SCUBE2: variants seen among roughly 807,000 people sequenced by gnomAD.
The protein encoded by SCUBE2 is signal peptide, CUB domain and EGF like domain containing 2.
SCUBE2 carries 114 observed loss-of-function variants against 125.9 expected under a neutral mutation model. That is an observed-to-expected ratio of 0.91 (90% confidence interval 0.78 to 1.06). The LOEUF (loss-of-function observed/expected upper bound fraction) is 1.06, where lower values mean the gene tolerates loss of function less well. Among genes scored for constraint, SCUBE2 ranks in the 50% least tolerant of loss-of-function variants. The probability of loss-of-function intolerance (pLI) is 0.00; values close to 1 mark genes in which losing one functional copy is unlikely to be tolerated. For missense variants in SCUBE2, 1,255 were observed against 1,301.8 expected (o/e 0.96, Z 0.55); for synonymous variants, 459 against 492.9 (o/e 0.93, Z 0.91).
intron 14 of SCUBE2, among the ~76,000 whole-genome samples, chr11:9,048,472 G>A (rs1338181652): frequency 1.3e-5 from 2 of 152,218 alleles, no homozygotes; most frequent in African/African-American, 2.4e-5. Context: ...TGGATGTGCC[G>A]AGCAGGGGCT....
intron 1 of SCUBE2, chr11:9,090,462 T>C (rs994803318): frequency 5.1e-5 from 7 of 136,132 alleles, no homozygotes; most frequent in Non-Finnish European, 1.1e-4. Flanking sequence ...TAAAACATTA[T>C]GAGATTTTTT....
In SCUBE2 at chr11:9,027,438, A is replaced by T; in HGVS notation, c.2627T>A (p.Ile876Asn). 1 of 1,614,076 alleles carries T rather than the reference A, an allele frequency of 6.2e-7. No individual in the cohort carries two copies. The highest frequency in any genetic ancestry group is 8.5e-7 in the Non-Finnish European group (1 of 1,180,002). The change falls in exon 20 of 23, where the codon ATC (isoleucine) becomes AAC (asparagine). Residue 876 changes from isoleucine to asparagine, a missense_variant. Coordinates refer to ENST00000649792, the MANE Select transcript of SCUBE2 (RefSeq NM_001367977.2). ...WTINPPPKRRILIVVPEIFLP... is the reference protein window; with the variant it reads ...WTINPPPKRRNLIVVPEIFLP... ...GAAGATCTCAGGGACCACGATCAGG[A>T]TGCGGCGCTTGGGGGGTGGGTTGAT...
chr11:9,081,314 T>C (rs187880454), intron 2 of SCUBE2, among the ~76,000 whole-genome samples: 15 of 152,334 alleles, frequency 9.8e-5, no homozygotes, highest in African/African-American at 3.6e-4. Flanking sequence ...ACTGAAACTC[T>C]GTGCCCATTT....
chr11:9,027,764 T>C (rs1397024748), intron 19 of SCUBE2, among the ~76,000 whole-genome samples: 4 of 152,180 alleles, frequency 2.6e-5, no homozygotes, highest in Admixed American at 1.3e-4. Flanking sequence ...TCTACCCCTC[T>C]GAGTTCCTGA....
At chr11:9,062,028 T>C (rs973161593) in intron 7 of SCUBE2, among the ~76,000 whole-genome samples, 1 of 152,152 alleles carries the variant, frequency 6.6e-6, no homozygotes, top group African/African-American at 2.4e-5. Flanking sequence ...TGACTACCCT[T>C]CTCCTATTCT....
At chr11:9,038,354 A>G (rs1022213301) in intron 16 of SCUBE2, among the ~76,000 whole-genome samples, 2 of 152,208 alleles carry the variant, frequency 1.3e-5, no homozygotes, top group Non-Finnish European at 2.9e-5. Flanking sequence ...AAATGTGGGA[A>G]ACAGGCTGGG....
At chr11:9,030,439 G>A (rs1413485101) in intron 18 of SCUBE2, 3 of 415,828 alleles carry the variant, frequency 7.2e-6, no homozygotes, top group Non-Finnish European at 1.3e-5. Context: ...AGGGGTATTG[G>A]GGGGAAGCTC....
At chr11:9,041,609 G>A (rs1003786943) in intron 16 of SCUBE2, among the ~76,000 whole-genome samples, 3 of 152,194 alleles carry the variant, frequency 2.0e-5, no homozygotes, top group Non-Finnish European at 2.9e-5. Context: ...AACTGGATTC[G>A]GCATCACAGA....
chr11:9,035,216 C>T (rs547787947), intron 16 of SCUBE2, among the ~76,000 whole-genome samples: 1 of 152,248 alleles, frequency 6.6e-6, no homozygotes, highest in African/African-American at 2.4e-5. Context: ...GTACTTATAC[C>T]AGACACCATG....
At chr11:9,065,008 A>G (rs1020774842) in intron 7 of SCUBE2, 2 of 151,986 alleles carry the variant, frequency 1.3e-5, no homozygotes, top group Non-Finnish European at 2.9e-5. Flanking sequence ...CTCTTCTACT[A>G]TTATCATCAG....
intron 8 of SCUBE2, chr11:9,059,636 G>C (rs1373072623): frequency 1.7e-6 from 1 of 597,634 alleles, no homozygotes; most frequent in Non-Finnish European, 2.8e-6. Flanking sequence ...TCATCGTCTT[G>C]AGAACGCTGA....
chr11:9,074,562 C>G lies in SCUBE2; in HGVS notation c.436G>C (p.Val146Leu), dbSNP rs72549242. Residue 146 changes from valine to leucine, a missense_variant, in exon 4 of 23, where the codon GTC becomes CTC. Physicochemically the swap from Val to Leu is conservative, Grantham distance 32. Around this residue, in one of 3 missense-constraint regions of SCUBE2, gnomAD observed 362 missense variants for 323.0 expected, o/e 1.12. Coordinates refer to ENST00000649792, the MANE Select transcript of SCUBE2 (RefSeq NM_001367977.2). Reference protein sequence around the residue: ...NGGCQHTCVNVMGSYECCCKE... With the variant: ...NGGCQHTCVNLMGSYECCCKE... Reference sequence around the variant, plus strand: ...CAGCAGCACTCATAGCTCCCCATGACGTTGACACAGGTATGCTGGCAGCCG... The same window carrying G: ...CAGCAGCACTCATAGCTCCCCATGAGGTTGACACAGGTATGCTGGCAGCCG... The G allele has an allele frequency of 1.2e-6, 2 of 1,614,182 alleles. No individual in the cohort carries two copies. The highest frequency in any genetic ancestry group is 2.7e-5 in the African/African-American group (2 of 75,032).
At position 9,021,784 on chromosome 11, in the gene SCUBE2, G is replaced by A. The variant is rs1855314587; in HGVS notation, c.2934+92C>T. On this transcript the variant is annotated intron_variant, in intron 22 of 22. Coordinates refer to ENST00000649792, the MANE Select transcript of SCUBE2 (RefSeq NM_001367977.2). ...CCAGGACAGGCTCCGTGTCTGAAAG[G>A]TGGCAACAAGGAGCAGGAGGAGAAG... 5.4e-6 allele frequency: 5 copies of A among 922,544 alleles called. No individual in the cohort carries two copies. In the South Asian group the frequency reaches 6.9e-5, roughly 13 times the overall value. The allele number at this position is 922,544 out of a possible 1,614,324, so 57.1% of individuals were successfully genotyped here. A position where few individuals can be genotyped will look rare whatever the true frequency, so the allele number is the denominator to read the frequency against.
intron 17 of SCUBE2, 39 bp downstream of exon 17, chr11:9,033,587 G>C (rs1401205076): frequency 6.3e-7 from 1 of 1,597,738 alleles, no homozygotes; most frequent in Non-Finnish European, 8.5e-7. Flanking sequence ...AATGACATCA[G>C]AGATGGGAGG....
intron 3 of SCUBE2, among the ~76,000 whole-genome samples, chr11:9,075,553 T>G (rs1861148782): frequency 1.3e-5 from 2 of 152,330 alleles, no homozygotes; most frequent in South Asian, 4.1e-4. Flanking sequence ...GAGGACAGAC[T>G]GGGGTCACAC....
At chr11:9,026,014 G>A in intron 20 of SCUBE2, 160 bp from the exon 21 acceptor site, 1 of 711,152 alleles carries the variant, frequency 1.4e-6, no homozygotes, top group Non-Finnish European at 2.2e-6. Flanking sequence ...CCTGGAAACA[G>A]AGTAGATTCA....
intron 4 of SCUBE2, among the ~76,000 whole-genome samples, chr11:9,072,444 G>A (rs1245336919): frequency 2.6e-5 from 4 of 152,094 alleles, no homozygotes; most frequent in South Asian, 2.1e-4. Context: ...TCCTGACCTC[G>A]TGATCTGCCT....
At chr11:9,047,308 A>C (rs769310735) in intron 16 of SCUBE2, 48 bp downstream of exon 16, 1 of 1,598,604 alleles carries the variant, frequency 6.3e-7, no homozygotes, top group African/African-American at 1.3e-5. Flanking sequence ...CTGAGTGTTT[A>C]TGGAGCCCAA....
At chr11:9,044,497 G>T (rs1182647580) in intron 16 of SCUBE2, among the ~76,000 whole-genome samples, 1 of 152,094 alleles carries the variant, frequency 6.6e-6, no homozygotes. Context: ...CTCCCAAAGT[G>T]CTGGGATTAC....
Sources: allele counts gnomAD v4.1 joint callset (sites outside exome capture counted in the v4.1 genomes callset), GRCh38; gene constraint gnomAD v4.1.1; regional missense constraint gnomAD v4.1.1; transcripts MANE v1.5; gene names NCBI Gene and HGNC (gene_info 2026-07-23, HGNC 2026-07-21).